Variants in MACROD1 observed in about 807,000 individuals in gnomAD.
MACROD1 encodes mono-ADP ribosylhydrolase 1, also known as ADP-ribose glycohydrolase MACROD1.
In MACROD1, 31 loss-of-function variants were observed where a neutral mutation model predicts 41.4. The ratio of observed to expected loss-of-function variants is 0.75; its 90% CI spans 0.56 to 1.01. The LOEUF is 1.01. MACROD1 is among the 50% of genes least tolerant of loss of function. The pLI, the probability that MACROD1 is intolerant of heterozygous loss-of-function variation, is 0.00. For synonymous variants in MACROD1, 252 were observed against 203.4 expected, an observed-to-expected ratio of 1.24 and a Z score of -2.03; for missense variants, 473 against 460.0, an observed-to-expected ratio of 1.03 and a Z score of -0.26.
chr11:64,125,138 GGAGA>G (rs10570588), intron 3 of MACROD1, among the ~76,000 whole-genome samples: 24,973 of 152,150 alleles, frequency 0.16, 2,282 homozygotes, highest in Admixed American at 0.28. Flanking sequence ...GCCTGTGCCA[GGAGA>G]GAGTGAGGGT....
At chr11:64,105,285 G>A (rs1565234793) in intron 3 of MACROD1, among the ~76,000 whole-genome samples, 1 of 152,170 alleles carries the variant, frequency 6.6e-6, no homozygotes, top group Non-Finnish European at 1.5e-5. Context: ...GAGGGCTCGG[G>A]GGTCATTCCC....
At chr11:64,155,149 T>C (rs953187974) in intron 1 of MACROD1, among the ~76,000 whole-genome samples, 26 of 152,124 alleles carry the variant, frequency 1.7e-4, no homozygotes, top group African/African-American at 6.3e-4. Flanking sequence ...GAGGAATAAA[T>C]GAGCCAAGAC....
At chr11:64,008,065 C>A (rs1256161409) in intron 4 of MACROD1, among the ~76,000 whole-genome samples, 2 of 152,230 alleles carry the variant, frequency 1.3e-5, no homozygotes, top group Non-Finnish European at 2.9e-5. Context: ...GGGCGCGGAG[C>A]GCTTGTGAGC....
chr11:64,031,959 TG>T (rs1211617620), intron 3 of MACROD1, among the ~76,000 whole-genome samples: 1 of 152,214 alleles, frequency 6.6e-6, no homozygotes. Flanking sequence ...CTGGGGCCTG[TG>T]GGGAAGGCTG....
At position 64,120,269 on chromosome 11, in the gene MACROD1, C is replaced by T. The variant is rs1320232706; in HGVS notation, c.517+30970G>A. Among the ~76,000 whole-genome samples the T allele has an allele frequency of 2.6e-5, 4 of 152,182 alleles. No homozygotes were observed. The highest frequency in any genetic ancestry group is 9.7e-5 in the African/African-American group (4 of 41,448). On this transcript the variant is annotated intron_variant, in intron 3 of 10. Transcript: ENST00000255681. This position sits in a 1 kb window ranked among gnomAD's most constrained non-coding sequence, Gnocchi z 4.5. ...CCACTCCCCAGCCCTGGGGAACAGC[C>T]GAGCAGCGTGGTCACGTTTCACTCG...
chr11:64,078,393 T>C (rs1944242597), intron 3 of MACROD1, among the ~76,000 whole-genome samples: 1 of 152,238 alleles, frequency 6.6e-6, no homozygotes, highest in Non-Finnish European at 1.5e-5. Flanking sequence ...GCTGAACGGC[T>C]GCAGAATTAC....
At chr11:64,061,493 C>T (rs1300013753) in intron 3 of MACROD1, among the ~76,000 whole-genome samples, 1 of 152,160 alleles carries the variant, frequency 6.6e-6, no homozygotes, top group Non-Finnish European at 1.5e-5. Flanking sequence ...CCCCGCAGTC[C>T]CCAGGCAGCT....
intron 4 of MACROD1, chr11:64,001,052 C>T (rs1942816589): frequency 8.5e-6 from 2 of 236,290 alleles, no homozygotes; most frequent in Non-Finnish European, 1.7e-5. Flanking sequence ...CCCGCATGGG[C>T]TTGTTTATCC....
rs1007291800 is a variant in MACROD1 at position 64,067,901 on chromosome 11, C to T, written c.518-52620G>A. Among the ~76,000 whole-genome samples, 4 of 152,050 alleles carry T rather than the reference C, an allele frequency of 2.6e-5. No homozygotes were observed. Among genetic ancestry groups the T allele is most frequent in the Admixed American group, 6.6e-5 (1 of 15,266 alleles). On this transcript the variant is annotated intron_variant, in intron 3 of 10. Coordinates refer to ENST00000255681, the MANE Select transcript of MACROD1 (RefSeq NM_014067.4). The surrounding 1 kb of genome is among the most constrained non-coding windows in gnomAD (Gnocchi z 4.6). ...CTGTCCATTTAGCCAGCGGTTCGCT[C>T]GGCTTTTAGGAGGGGGCTGGCGGTG... is the stretch of plus-strand genomic sequence containing the variant.
chr11:64,022,957 G>C (rs1396315671), intron 3 of MACROD1, among the ~76,000 whole-genome samples: 1 of 151,078 alleles, frequency 6.6e-6, no homozygotes, highest in Non-Finnish European at 1.5e-5. Flanking sequence ...TGCCTCCTGG[G>C]TTCAAGAGAT....
rs1013218230 is a variant in MACROD1, at chr11:64,122,287, G to A, written c.517+28952C>T. On this transcript the variant is annotated intron_variant, in intron 3 of 10. Transcript: ENST00000255681. This position sits in a 1 kb window ranked among gnomAD's most constrained non-coding sequence, Gnocchi z 4.0. ...TCCACGCTAACATGGTGCATGCGGC[G>A]GCCAGGGGCCTCCCTGACACAGGGC... 6.6e-6 allele frequency among the ~76,000 whole-genome samples: 1 copy of A among 152,196 alleles called. No homozygotes were observed. The highest frequency in any genetic ancestry group is 1.5e-5 in the Non-Finnish European group (1 of 68,026).
intron 4 of MACROD1, among the ~76,000 whole-genome samples, chr11:64,009,969 G>C (rs373290856): frequency 7.8e-4 from 119 of 152,350 alleles, no homozygotes; most frequent in African/African-American, 2.7e-3. Flanking sequence ...CGGGGTGTTG[G>C]CTGGGATGTT....
intron 3 of MACROD1, among the ~76,000 whole-genome samples, chr11:64,049,991 T>C (rs1484940063): frequency 1.3e-5 from 2 of 152,224 alleles, no homozygotes; most frequent in Non-Finnish European, 2.9e-5. Flanking sequence ...CAGGCCTGGA[T>C]GCCATATTAT....
chr11:64,115,909 A>G (rs544075587), intron 3 of MACROD1, among the ~76,000 whole-genome samples: 2 of 152,316 alleles, frequency 1.3e-5, no homozygotes, highest in African/African-American at 4.8e-5. Context: ...TCACTAAATT[A>G]ACCTCCCTGA....
At chr11:64,075,044 C>T (rs1944177083) in intron 3 of MACROD1, among the ~76,000 whole-genome samples, 7 of 152,202 alleles carry the variant, frequency 4.6e-5, no homozygotes, top group African/African-American at 1.2e-4. Context: ...CACCTGTGTG[C>T]GGACAGGGGG....
intron 3 of MACROD1, among the ~76,000 whole-genome samples, chr11:64,136,406 C>G (rs2875749): frequency 6.6e-6 from 1 of 152,150 alleles, no homozygotes; most frequent in Non-Finnish European, 1.5e-5. Context: ...TCATAGCCGC[C>G]TCTCAGGCCA....
rs139840347 is a variant in MACROD1, at chr11:64,096,888, G to A, written c.517+54351C>T. Among the ~76,000 whole-genome samples the A allele has an allele frequency of 0.01, 1,585 of 152,334 alleles. 11 individuals are homozygous for A. The highest frequency in any genetic ancestry group is 0.017 in the Non-Finnish European group (1,142 of 68,028). On this transcript the variant is annotated intron_variant, in intron 3 of 10. Coordinates refer to ENST00000255681, the MANE Select transcript of MACROD1 (RefSeq NM_014067.4). This position sits in a 1 kb window ranked among gnomAD's most constrained non-coding sequence, Gnocchi z 4.6. The stretch of plus-strand genomic sequence containing the variant: ...GCCTCCCCCGGCAGAGCTGAGAGCC[G>A]ATGCCTGTCCCTCCGTGAGCTGGGT...
intron 4 of MACROD1, chr11:64,008,962 C>G (rs1802581477): frequency 6.6e-6 from 1 of 152,228 alleles, no homozygotes; most frequent in African/African-American, 2.4e-5. Context: ...CTGAATTAAT[C>G]TGTCACTAAA....
At chr11:64,053,477 C>T (rs1943730254) in intron 3 of MACROD1, among the ~76,000 whole-genome samples, 1 of 152,090 alleles carries the variant, frequency 6.6e-6, no homozygotes, top group South Asian at 2.1e-4. Context: ...GTCTGTGGCC[C>T]CGATGGGAGT....
Sources: gnomAD v4.1 joint callset for allele counts (sites outside exome capture counted in the v4.1 genomes callset) on GRCh38, gnomAD v4.1.1 for gene constraint, Gnocchi (gnomAD v3.1) non-coding constraint, MANE v1.5 for transcripts, NCBI Gene and HGNC (gene_info 2026-07-23, HGNC 2026-07-21) for gene names.